The following ANK2 variants were observed in gnomAD, a reference collection of about 807,000 sequenced individuals.
The protein encoded by ANK2 is ankyrin 2.
A neutral mutation model predicts 360.5 loss-of-function variants in ANK2; 83 were observed. The ratio of observed to expected loss-of-function variants is 0.23; its 90% CI spans 0.19 to 0.28. The LOEUF (loss-of-function observed/expected upper bound fraction) is 0.28. Among genes scored for constraint, ANK2 ranks in the 10% least tolerant of loss-of-function variants. ANK2 has a pLI of 1.00. For missense variants in ANK2, 4,201 were observed against 4,795.7 expected (o/e 0.88, Z 3.66); for synonymous variants, 1,740 against 1,759.5 (o/e 0.99, Z 0.28).
intron 1 of ANK2, among the ~76,000 whole-genome samples, chr4:112,855,903 A>G (rs546609463): frequency 1.3e-5 from 2 of 152,246 alleles, no homozygotes; most frequent in African/African-American, 2.4e-5. Flanking sequence ...CTTAGGAGAA[A>G]CATGAGAAGA....
chr4:113,102,165 A>G (rs2092954940), intron 1 of ANK2, among the ~76,000 whole-genome samples: 2 of 152,050 alleles, frequency 1.3e-5, no homozygotes, highest in Admixed American at 1.3e-4. Context: ...TTATGGTTAT[A>G]GACCTGGTGA....
chr4:112,912,631 C>G (rs1461155886), intron 2 of ANK2, among the ~76,000 whole-genome samples: 1 of 152,004 alleles, frequency 6.6e-6, no homozygotes, highest in Non-Finnish European at 1.5e-5. Context: ...ATAGCCCACA[C>G]TATGGTTTCT....
intron 2 of ANK2, among the ~76,000 whole-genome samples, chr4:112,920,053 A>G (rs894390990): frequency 6.6e-6 from 1 of 152,104 alleles, no homozygotes; most frequent in African/African-American, 2.4e-5. Flanking sequence ...GTCCAATGAT[A>G]TTATTTTAAG....
intron 43 of ANK2, among the ~76,000 whole-genome samples, chr4:113,371,201 G>T (rs1053932485): frequency 2.0e-5 from 3 of 152,064 alleles, no homozygotes; most frequent in African/African-American, 7.2e-5. Flanking sequence ...ATTTGTTTTT[G>T]TTCACTGTAA....
At chr4:112,866,054 G>C (rs1262285826) in intron 1 of ANK2, among the ~76,000 whole-genome samples, 1 of 152,186 alleles carries the variant, frequency 6.6e-6, no homozygotes, top group Non-Finnish European at 1.5e-5. Context: ...TTTAATAAGA[G>C]TCAGCACTAC....
At chr4:113,096,042 G>T (rs2090898888) in intron 1 of ANK2, among the ~76,000 whole-genome samples, 1 of 152,206 alleles carries the variant, frequency 6.6e-6, no homozygotes, top group Non-Finnish European at 1.5e-5. Context: ...TAGTGTAGCT[G>T]TGCTCCAGCG....
chr4:113,003,755 CAT>C (rs1227718434), intron 2 of ANK2, among the ~76,000 whole-genome samples: 1 of 152,188 alleles, frequency 6.6e-6, no homozygotes. Context: ...GAAACACAGT[CAT>C]GTGTCGCTTA....
chr4:112,794,731 A>T, the ANK2 span, among the ~76,000 whole-genome samples: 2 of 152,192 alleles, frequency 1.3e-5, no homozygotes, highest in Non-Finnish European at 2.9e-5. Flanking sequence ...TTAACAGGGA[A>T]TCAGTATTAA....
chr4:113,318,341 A>C (rs1012864237), intron 25 of ANK2, among the ~76,000 whole-genome samples, 176 bp from the exon 26 acceptor site: 1 of 152,262 alleles, frequency 6.6e-6, no homozygotes, highest in African/African-American at 2.4e-5. Context: ...TAAATAATGC[A>C]GTTTAAAAGA....
chr4:112,741,055 C>T, the ANK2 span, among the ~76,000 whole-genome samples: 1 of 151,708 alleles, frequency 6.6e-6, no homozygotes. Context: ...GTCTCTAACT[C>T]CTTGCCTAAA....
At chr4:113,258,938 C>G (rs975614278) in intron 13 of ANK2, among the ~76,000 whole-genome samples, 11 of 152,134 alleles carry the variant, frequency 7.2e-5, no homozygotes, top group Admixed American at 2.0e-4. Context: ...TGTAACATTA[C>G]GTTGATTTTT....
intron 1 of ANK2, among the ~76,000 whole-genome samples, chr4:112,832,850 T>A (rs2149699172): frequency 6.6e-6 from 1 of 152,366 alleles, no homozygotes; most frequent in South Asian, 2.1e-4. Context: ...TTCAGTTAAA[T>A]CTAAATTGTT....
At chr4:113,117,661 T>G (rs943277296) in intron 1 of ANK2, among the ~76,000 whole-genome samples, 6 of 152,210 alleles carry the variant, frequency 3.9e-5, no homozygotes, top group African/African-American at 1.4e-4. Context: ...TCTTTTTTTT[T>G]GTCTCAATTA....
intron 26 of ANK2, 95 bp downstream of exon 26, chr4:113,318,715 C>A: frequency 9.6e-7 from 1 of 1,039,588 alleles, no homozygotes; most frequent in Non-Finnish European, 1.5e-6. Context: ...TGGTGGCTAG[C>A]TTTACAGTGG....
the ANK2 span, among the ~76,000 whole-genome samples, chr4:112,767,137 T>C: frequency 1.8e-4 from 27 of 152,356 alleles, no homozygotes; most frequent in East Asian, 4.8e-3. Flanking sequence ...CTGAATCCTT[T>C]AATTAAATTC....
At chr4:113,067,968 C>G (rs2076210705) in intron 1 of ANK2, among the ~76,000 whole-genome samples, 1 of 152,172 alleles carries the variant, frequency 6.6e-6, no homozygotes, top group Admixed American at 6.5e-5. Flanking sequence ...GTTCCCGGAG[C>G]CACTCAGTAA....
At chr4:113,122,674 G>T (rs1223761504) in intron 1 of ANK2, among the ~76,000 whole-genome samples, 4 of 151,900 alleles carry the variant, frequency 2.6e-5, no homozygotes, top group Non-Finnish European at 5.9e-5. Flanking sequence ...TTATTGGTTT[G>T]CTCTTCCCAT....
chr4:113,319,927 G>T (rs1399855663), intron 26 of ANK2, among the ~76,000 whole-genome samples: 1 of 152,162 alleles, frequency 6.6e-6, no homozygotes, highest in Non-Finnish European at 1.5e-5. Context: ...TCATAATGAG[G>T]TGTTTAAAGT....
At position 113,330,594 on chromosome 4, in the gene ANK2, C is replaced by A. The variant is rs9307389; in HGVS notation, c.3125+124C>A. The A allele has an allele frequency of 0.13, 124,928 of 980,988 alleles. 14,032 individuals are homozygous for A. Among genetic ancestry groups the A allele is most frequent in the African/African-American group, 0.54 (32,775 of 61,178 alleles). 60.8% of individuals were successfully genotyped at this position (980,988 alleles called of 1,614,324 possible). ...TTTGAAAGAGGATCAGCACCAATGA[C>A]ATTTTTAAAATTGGAAGTAGCACCT... On this transcript the variant is annotated intron_variant, in intron 27 of 45. Transcript: ENST00000357077.
Sources: allele counts gnomAD v4.1 joint callset (sites outside exome capture counted in the v4.1 genomes callset), GRCh38; gene constraint gnomAD v4.1.1; transcripts MANE v1.5; gene names NCBI Gene and HGNC (gene_info 2026-07-23, HGNC 2026-07-21).